The following YAF2 variants were observed in gnomAD, a reference collection of about 807,000 sequenced individuals.
YAF2 encodes YY1-associated factor 2.
In YAF2, 7 loss-of-function variants were observed where a neutral mutation model predicts 20.1. The observed-to-expected ratio is 0.35, with a 90% CI of 0.20 to 0.65. The LOEUF (loss-of-function observed/expected upper bound fraction) is 0.65, where lower values mean the gene tolerates loss of function less well. Among genes scored for constraint, YAF2 ranks in the 30% least tolerant of loss-of-function variants. YAF2 has a pLI of 0.69. For synonymous variants in YAF2, 74 were observed against 76.0 expected (o/e 0.97, Z 0.14); for missense variants, 151 against 219.2 (o/e 0.69, Z 1.96).
chr12:42,191,282 A>G (rs973452861), intron 2 of YAF2, among the ~76,000 whole-genome samples: 1 of 152,178 alleles, frequency 6.6e-6, no homozygotes, highest in Non-Finnish European at 1.5e-5. Context: ...TCTTTATATT[A>G]GAAACTATAC....
At chr12:42,192,850 A>T (rs1432386127) in intron 2 of YAF2, among the ~76,000 whole-genome samples, 5 of 152,252 alleles carry the variant, frequency 3.3e-5, no homozygotes, top group Non-Finnish European at 7.3e-5. Context: ...GTCGCATAAC[A>T]ACATTTTGGT....
intron 2 of YAF2, among the ~76,000 whole-genome samples, chr12:42,168,397 G>A (rs985010653): frequency 6.6e-5 from 10 of 151,794 alleles, no homozygotes; most frequent in Non-Finnish European, 1.2e-4. Context: ...GGTTAGGCTC[G>A]TCTTGAACTC....
At position 42,160,181 on chromosome 12, in the gene YAF2, A is replaced by G. The variant is rs1302468288; in HGVS notation, c.*408T>C. Reference sequence around the variant, plus strand: ...AAGTTGTTCTTTGACTTGTATACATATAACTATCTGTTTCACAATTCTCAA... The same window carrying G: ...AAGTTGTTCTTTGACTTGTATACATGTAACTATCTGTTTCACAATTCTCAA... On this transcript the variant is annotated 3_prime_UTR_variant, in exon 4 of 4. Transcript: ENST00000534854. The G allele has an allele frequency of 2.9e-5, 5 of 174,360 alleles. No homozygotes were observed. Among genetic ancestry groups the G allele is most frequent in the Non-Finnish European group, 3.7e-5 (3 of 80,728 alleles). The allele number at this position is 174,360 out of a possible 1,614,324, so 10.8% of individuals were successfully genotyped here.
At chr12:42,201,392 T>C (rs1212053670) in intron 2 of YAF2, among the ~76,000 whole-genome samples, 2 of 152,222 alleles carry the variant, frequency 1.3e-5, no homozygotes, top group African/African-American at 4.8e-5. Flanking sequence ...ATCTTTTCAG[T>C]TCATTAGCCA....
chr12:42,179,805 A>G (rs966037941), intron 2 of YAF2, among the ~76,000 whole-genome samples: 20 of 151,842 alleles, frequency 1.3e-4, no homozygotes, highest in African/African-American at 2.4e-4. Flanking sequence ...AAAAAAAAAA[A>G]AAAAGAAATC....
At chr12:42,190,496 T>A (rs1239492366) in intron 2 of YAF2, among the ~76,000 whole-genome samples, 2 of 152,240 alleles carry the variant, frequency 1.3e-5, no homozygotes, top group Non-Finnish European at 2.9e-5. Flanking sequence ...ACTTAACTAT[T>A]TTTTCTGTTT....
intron 2 of YAF2, among the ~76,000 whole-genome samples, chr12:42,223,876 G>T (rs1039968055): frequency 2.0e-5 from 3 of 151,596 alleles, no homozygotes; most frequent in Non-Finnish European, 4.4e-5. Flanking sequence ...GGCCTGTCGG[G>T]GGGTGGGGGG....
At chr12:42,167,403 T>C (rs2065941092) in intron 2 of YAF2, among the ~76,000 whole-genome samples, 2 of 152,056 alleles carry the variant, frequency 1.3e-5, no homozygotes, top group Non-Finnish European at 1.5e-5. Flanking sequence ...ATGACAGAAA[T>C]ATAAAAGGGA....
chr12:42,195,440 G>A (rs554982454), intron 2 of YAF2, among the ~76,000 whole-genome samples: 113 of 152,246 alleles, frequency 7.4e-4, no homozygotes, highest in African/African-American at 2.2e-3. Flanking sequence ...AGAATTTAAA[G>A]AAGGAAAAGG....
chr12:42,229,763 T>G (rs978518770), intron 2 of YAF2, among the ~76,000 whole-genome samples: 3 of 152,248 alleles, frequency 2.0e-5, no homozygotes, highest in African/African-American at 7.2e-5. Context: ...GTTACTATAC[T>G]GAATGTTGCA....
At chr12:42,196,333 T>C (rs1402515554) in intron 2 of YAF2, among the ~76,000 whole-genome samples, 1 of 149,350 alleles carries the variant, frequency 6.7e-6, no homozygotes, top group African/African-American at 2.5e-5. Flanking sequence ...CACCTATAAG[T>C]GGGTGGCAAA....
At chr12:42,165,186 C>T (rs756445012) in intron 2 of YAF2, among the ~76,000 whole-genome samples, 2 of 151,642 alleles carry the variant, frequency 1.3e-5, no homozygotes, top group African/African-American at 2.4e-5. Flanking sequence ...TGCCCTCATG[C>T]GCTAAAAATT....
intron 2 of YAF2, among the ~76,000 whole-genome samples, chr12:42,172,859 G>A (rs747117067): frequency 6.6e-6 from 1 of 152,122 alleles, no homozygotes; most frequent in South Asian, 2.1e-4. Context: ...ATGAGCCTAC[G>A]GCATTATGCT....
chr12:42,208,813 T>A (rs2067124521), intron 2 of YAF2, among the ~76,000 whole-genome samples: 1 of 152,160 alleles, frequency 6.6e-6, no homozygotes, highest in African/African-American at 2.4e-5. Context: ...AATATAACTA[T>A]GCAGGTAAGA....
In YAF2 at chr12:42,210,350, C is replaced by T. The variant is rs2067171251; in HGVS notation, c.152+27249G>A. On this transcript the variant is annotated intron_variant, in intron 2 of 3. Transcript: ENST00000534854. ...TCTCAGGTTTGTGAAAACTAGATTA[C>T]TTACCAGTAACTTGAGTTATCCTAT... 4 of 1,514,946 alleles carry T rather than the reference C, an allele frequency of 2.6e-6. No individual in the cohort carries two copies. The Admixed American group carries it at 8.1e-5, about 31-fold the overall frequency. 93.8% of individuals were successfully genotyped at this position (1,514,946 alleles called of 1,614,324 possible).
In YAF2 at chr12:42,161,394, G is replaced by A. The variant is rs551253750; in HGVS notation, c.305+219C>T. The A allele has an allele frequency of 1.6e-3, 646 of 405,570 alleles. 2 individuals are homozygous for A. Among genetic ancestry groups the A allele is most frequent in the South Asian group, 4.0e-3 (69 of 17,402 alleles). 25.1% of individuals were successfully genotyped at this position (405,570 alleles called of 1,614,324 possible). A position where few individuals can be genotyped will look rare whatever the true frequency, so the allele number is the denominator to read the frequency against. The stretch of plus-strand genomic sequence containing the variant: ...CCAGACACAAATGTCTTCCAATCTC[G>A]TAAAAAGAAAAAAGCATCATCACAT... On this transcript the variant is annotated intron_variant, in intron 3 of 3. Coordinates refer to ENST00000534854, the MANE Select transcript of YAF2 (RefSeq NM_005748.6).
intron 2 of YAF2, among the ~76,000 whole-genome samples, chr12:42,189,894 C>A (rs1044480452): frequency 6.6e-6 from 1 of 152,084 alleles, no homozygotes. Context: ...CACAAGAAAA[C>A]AGGTCAATAG....
intron 2 of YAF2, among the ~76,000 whole-genome samples, chr12:42,205,375 TCTC>T (rs797021813): frequency 1.2e-4 from 18 of 147,808 alleles, no homozygotes; most frequent in African/African-American, 4.2e-4. Context: ...TGCTGCTTCT[TCTC>T]TTTTTTTTTT....
At chr12:42,224,238 T>A (rs1245845510) in intron 2 of YAF2, among the ~76,000 whole-genome samples, 1 of 152,212 alleles carries the variant, frequency 6.6e-6, no homozygotes, top group Non-Finnish European at 1.5e-5. Flanking sequence ...AATTCTGTAG[T>A]CCTAGCATAA....
Sources: allele counts gnomAD v4.1 joint callset (sites outside exome capture counted in the v4.1 genomes callset), GRCh38; gene constraint gnomAD v4.1.1; transcripts MANE v1.5; gene names NCBI Gene and HGNC (gene_info 2026-07-23, HGNC 2026-07-21).